Variants in PPIL4 observed in about 807,000 individuals in gnomAD.
The protein encoded by PPIL4 is peptidylprolyl isomerase like 4, also known as peptidyl-prolyl cis-trans isomerase-like 4.
In PPIL4, 50 loss-of-function variants were observed where a neutral mutation model predicts 69.1. The observed-to-expected ratio is 0.72, with a 90% CI of 0.58 to 0.92. The LOEUF is 0.92. Ranked by LOEUF, PPIL4 falls within the 40% of genes least tolerant of loss-of-function variation. The probability of loss-of-function intolerance (pLI) is 0.00; values close to 1 mark genes in which losing one functional copy is unlikely to be tolerated. For missense variants in PPIL4, 480 were observed against 587.9 expected (o/e 0.82, Z 1.90); for synonymous variants, 193 against 191.6 (o/e 1.01, Z -0.06).
chr6:149,533,485 A>G lies in PPIL4; in HGVS notation c.651T>C (p.Ala217=). 1 of 1,602,108 alleles carries G rather than the reference A, an allele frequency of 6.2e-7. No homozygotes were observed. The highest frequency in any genetic ancestry group is 8.6e-7 in the Non-Finnish European group (1 of 1,169,490). ...TCTCCAAAAGTATAGCCTGAGTTTT[A>G]GCCTCTTTTTCTGCCTTTATTTCTT... ...EVEEIKAEKE[A]KTQAILLEMV... The change falls in exon 7 of 13, where the codon GCT becomes GCC. Residue 217 remains alanine, a synonymous_variant. Transcript: ENST00000253329.
intron 11 of PPIL4, among the ~76,000 whole-genome samples, chr6:149,514,248 C>T (rs1014489820): frequency 6.6e-6 from 1 of 152,204 alleles, no homozygotes; most frequent in African/African-American, 2.4e-5. Flanking sequence ...CTGGATCTTG[C>T]CTTTTCCAGA....
At chr6:149,527,639 C>T (rs1348626417) in intron 7 of PPIL4, among the ~76,000 whole-genome samples, 1 of 152,192 alleles carries the variant, frequency 6.6e-6, no homozygotes, top group African/African-American at 2.4e-5. Context: ...ATCCCATTCT[C>T]CCTGTGCCTC....
intron 12 of PPIL4, among the ~76,000 whole-genome samples, chr6:149,510,736 C>G (rs1776830305): frequency 6.6e-6 from 1 of 151,708 alleles, no homozygotes; most frequent in South Asian, 2.1e-4. Flanking sequence ...GAGCAAAACT[C>G]CGTCTCAAAA....
At chr6:149,529,327 A>G (rs1777155090) in intron 7 of PPIL4, among the ~76,000 whole-genome samples, 1 of 151,748 alleles carries the variant, frequency 6.6e-6, no homozygotes, top group Non-Finnish European at 1.5e-5. Context: ...GCATGGTGGC[A>G]CACGCCTGTG....
chr6:149,541,030 A>G lies in PPIL4; in HGVS notation c.233T>C (p.Phe78Ser). The G allele has an allele frequency of 6.2e-7, 1 of 1,612,166 alleles. No individual in the cohort carries two copies. Among genetic ancestry groups the G allele is most frequent in the Non-Finnish European group, 8.5e-7 (1 of 1,178,646 alleles). The change falls in exon 4 of 13, where the codon TTT (phenylalanine) becomes TCT (serine). Residue 78 changes from phenylalanine (F) to serine (S), a missense_variant. Transcript: ENST00000253329. Reference protein sequence around the residue: ...GQLYGDQASFFEAEKVPRIKH... With the variant: ...GQLYGDQASFSEAEKVPRIKH... ...AATTCTTGGGACTTTTTCTGCCTCA[A>G]AAAAGCTTGCTTGATCACCATACAG...
chr6:149,521,775 T>C (rs1473490189), intron 9 of PPIL4, among the ~76,000 whole-genome samples: 1 of 152,220 alleles, frequency 6.6e-6, no homozygotes, highest in Non-Finnish European at 1.5e-5. Context: ...TGAAAAATTC[T>C]GAATTAGGAA....
intron 11 of PPIL4, among the ~76,000 whole-genome samples, chr6:149,514,731 TA>T (rs1776914932): frequency 6.7e-6 from 1 of 150,190 alleles, no homozygotes; most frequent in Admixed American, 6.7e-5. Flanking sequence ...AGTATATGCC[TA>T]AAAAAATTTT....
chr6:149,540,133 TAAATAAAATA>T (rs1034433309), intron 4 of PPIL4, among the ~76,000 whole-genome samples: 2 of 151,604 alleles, frequency 1.3e-5, no homozygotes, highest in South Asian at 2.1e-4. Flanking sequence ...TGTCTCTAAA[TAAATAAAATA>T]AAATAAAATA....
chr6:149,536,330 A>G (rs533089395), intron 4 of PPIL4, among the ~76,000 whole-genome samples: 1 of 152,364 alleles, frequency 6.6e-6, no homozygotes, highest in South Asian at 2.1e-4. Flanking sequence ...GAAGAATGGC[A>G]CATCTCTTAC....
At chr6:149,512,429 T>C (rs1724243887) in intron 11 of PPIL4, 127 bp from the exon 12 acceptor site, 2 of 600,964 alleles carry the variant, frequency 3.3e-6, no homozygotes, top group Non-Finnish European at 5.7e-6. Flanking sequence ...CAAAAGAATA[T>C]AGTACATTTC....
At chr6:149,521,966 T>G (rs369764426) in intron 9 of PPIL4, among the ~76,000 whole-genome samples, 24 of 152,234 alleles carry the variant, frequency 1.6e-4, no homozygotes, top group African/African-American at 5.8e-4. Context: ...GGAAACTTAT[T>G]CTTACTAGAG....
intron 7 of PPIL4, among the ~76,000 whole-genome samples, chr6:149,530,282 T>C (rs370325819): frequency 1.1e-4 from 16 of 152,222 alleles, no homozygotes; most frequent in South Asian, 2.1e-4. Context: ...AATTCTAAAA[T>C]TGCTCTACAA....
rs192986828 is a variant in PPIL4, at chr6:149,521,706, A to G, written c.871-535T>C. Among the ~76,000 whole-genome samples the G allele has an allele frequency of 3.3e-4, 50 of 152,340 alleles. No individual in the cohort carries two copies. The East Asian group carries it at 9.6e-3, about 29-fold the overall frequency. On this transcript the variant is annotated intron_variant, in intron 9 of 12. Coordinates refer to ENST00000253329, the MANE Select transcript of PPIL4 (RefSeq NM_139126.4). ...ATGCTGACCCAGAAAGGTATTACAT[A>G]ATCACAGATGTAATGTGTATGTGTG...
Position 149,540,990 on chromosome 6 carries a change from TTTC to T in PPIL4, c.270_272del (p.Lys91del). On this transcript the variant is annotated inframe_deletion, in exon 4 of 13. Transcript: ENST00000253329. ...CATTATTCACCATGGACACTGTGCCTTTCTTCTTGTGCTTAATTCTTGGGACTT... is the reference window on the plus strand; with the variant it reads ...CATTATTCACCATGGACACTGTGCCTTTCTTGTGCTTAATTCTTGGGACTT... 1.2e-6 allele frequency: 2 copies of T among 1,613,014 alleles called. No homozygotes were observed. The highest frequency in any genetic ancestry group is 1.7e-6 in the Non-Finnish European group (2 of 1,179,274).
At position 149,545,952 on chromosome 6, in the gene PPIL4, G is replaced by C. The variant is rs200555722; in HGVS notation, c.54C>G (p.Thr18=). 61 of 1,590,118 alleles carry C rather than the reference G, an allele frequency of 3.8e-5. No individual in the cohort carries two copies. The highest frequency in any genetic ancestry group is 5.1e-5 in the Non-Finnish European group (59 of 1,166,082). ...AAGCCTCACCACGCGGCCGTTCTTC[G>C]GTGTACAAGTCGATGACGACGTCGC... The part of the protein sequence containing the change: ...TLGDVVIDLY[T]EERPRACLNF... Residue 18 remains threonine (T), a synonymous_variant, in exon 1 of 13, where the codon ACC becomes ACG. Transcript: ENST00000253329.
At chr6:149,505,969 A>C (rs544539716) in intron 12 of PPIL4, among the ~76,000 whole-genome samples, 1 of 152,226 alleles carries the variant, frequency 6.6e-6, no homozygotes, top group South Asian at 2.1e-4. Flanking sequence ...AAATAGCTCA[A>C]CTGAAATCAG....
At chr6:149,507,843 G>C (rs1338501966) in intron 12 of PPIL4, among the ~76,000 whole-genome samples, 74 of 152,172 alleles carry the variant, frequency 4.9e-4, no homozygotes, top group Admixed American at 4.8e-3. Context: ...TGTCAAACAA[G>C]TACTCTTAAG....
Position 149,523,098 on chromosome 6 carries a change from G to C in PPIL4, c.871-1927C>G, listed in dbSNP as rs1211289824. ...GAAGTAGGAAAATATTTTTTAAATA[G>C]GCCACTAAAAAGGAAGAAAAATACT... On this transcript the variant is annotated intron_variant, in intron 9 of 12. Coordinates refer to ENST00000253329, the MANE Select transcript of PPIL4 (RefSeq NM_139126.4). 5.9e-5 allele frequency among the ~76,000 whole-genome samples: 9 copies of C among 151,966 alleles called. No homozygotes were observed. In the East Asian group the frequency reaches 1.5e-3, roughly 26 times the overall value.
intron 1 of PPIL4, among the ~76,000 whole-genome samples, chr6:149,542,667 A>T (rs1777381496): frequency 6.6e-6 from 1 of 152,236 alleles, no homozygotes; most frequent in African/African-American, 2.4e-5. Flanking sequence ...AAGTAGTTTT[A>T]AAAATTCCAC....
Sources: allele counts gnomAD v4.1 joint callset (sites outside exome capture counted in the v4.1 genomes callset), GRCh38; gene constraint gnomAD v4.1.1; transcripts MANE v1.5; gene names NCBI Gene and HGNC (gene_info 2026-07-23, HGNC 2026-07-21).